Variants in FGGY observed in about 807,000 individuals in gnomAD.
The protein encoded by FGGY is FGGY carbohydrate kinase domain-containing protein.
A neutral mutation model predicts 71.3 loss-of-function variants in FGGY; 72 were observed. The observed-to-expected ratio is 1.01, with a 90% CI of 0.84 to 1.23. FGGY has a LOEUF of 1.23. Ranked by LOEUF, FGGY falls within the 50% of genes most tolerant of loss-of-function variation. FGGY has a pLI of 0.00. For missense variants in FGGY, 668 were observed against 682.3 expected, an observed-to-expected ratio of 0.98 and a Z score of 0.23; for synonymous variants, 251 against 250.3, an observed-to-expected ratio of 1.00 and a Z score of -0.02.
intron 14 of FGGY, among the ~76,000 whole-genome samples, chr1:59,734,093 C>T (rs1044518269): frequency 2.6e-5 from 4 of 152,232 alleles, no homozygotes; most frequent in Non-Finnish European, 5.9e-5. Context: ...TCCCTTCACT[C>T]TTATCTGCTC....
chr1:59,581,063 A>G (rs1266802023), intron 8 of FGGY, among the ~76,000 whole-genome samples: 2 of 136,888 alleles, frequency 1.5e-5, no homozygotes, highest in Non-Finnish European at 3.0e-5. Context: ...ACATGAAGTC[A>G]TTTTCTTTCT....
At position 59,732,671 on chromosome 1, in the gene FGGY, G is replaced by A. The variant is rs745970505; in HGVS notation, c.1513-25260G>A. 2.4e-4 allele frequency among the ~76,000 whole-genome samples: 37 copies of A among 152,110 alleles called. 1 individual carries two copies. The highest frequency in any genetic ancestry group is 4.9e-4 in the Non-Finnish European group (33 of 68,024). On this transcript the variant is annotated intron_variant, in intron 14 of 15. Transcript: ENST00000303721. ...TAGAGGAAAGGGGGGCAAGAAAGGG[G>A]AAGGGAAGGAAGGTATTCAGGAGCT...
At chr1:59,468,173 G>T (rs944351226) in intron 6 of FGGY, among the ~76,000 whole-genome samples, 21 of 152,250 alleles carry the variant, frequency 1.4e-4, no homozygotes, top group Middle Eastern at 3.4e-3. Flanking sequence ...AAAGTGCTGG[G>T]ATTATAGGCA....
chr1:59,315,797 A>G (rs1247648931), intron 1 of FGGY: 1 of 152,254 alleles, frequency 6.6e-6, no homozygotes, highest in Non-Finnish European at 1.5e-5. Context: ...TTGGGGAACC[A>G]TGGAAGTGTT....
chr1:59,441,841 G>T (rs1014820036), intron 5 of FGGY, among the ~76,000 whole-genome samples: 1 of 152,190 alleles, frequency 6.6e-6, no homozygotes, highest in Admixed American at 6.5e-5. Flanking sequence ...GTCTTTAGGA[G>T]ATCAGTTATT....
intron 5 of FGGY, among the ~76,000 whole-genome samples, chr1:59,456,517 T>G (rs920342087): frequency 2.6e-5 from 4 of 151,480 alleles, no homozygotes; most frequent in Non-Finnish European, 5.9e-5. Flanking sequence ...GGCACGATCT[T>G]GGCTCACTGC....
chr1:59,343,855 T>C (rs896336157), intron 3 of FGGY, among the ~76,000 whole-genome samples: 3 of 152,202 alleles, frequency 2.0e-5, no homozygotes, highest in African/African-American at 7.2e-5. Context: ...GGTCTGTCTT[T>C]ACTATAGGCA....
At chr1:59,400,163 T>C (rs2061775435) in intron 5 of FGGY, among the ~76,000 whole-genome samples, 1 of 152,246 alleles carries the variant, frequency 6.6e-6, no homozygotes, top group Non-Finnish European at 1.5e-5. Context: ...TTTCAGCCTG[T>C]ATTTTCTGTC....
intron 5 of FGGY, among the ~76,000 whole-genome samples, chr1:59,452,741 C>T (rs2091309829): frequency 6.6e-6 from 1 of 152,228 alleles, no homozygotes; most frequent in Admixed American, 6.5e-5. Flanking sequence ...AACCGGCCAA[C>T]AGCAAGTGGC....
chr1:59,493,208 G>T (rs2093931945), intron 6 of FGGY, among the ~76,000 whole-genome samples: 5 of 151,940 alleles, frequency 3.3e-5, no homozygotes, highest in Admixed American at 1.3e-4. Flanking sequence ...GTAAAATGGT[G>T]TGGCTGCTGT....
intron 11 of FGGY, among the ~76,000 whole-genome samples, chr1:59,657,628 G>A (rs1433715425): frequency 6.6e-6 from 1 of 152,210 alleles, no homozygotes; most frequent in Non-Finnish European, 1.5e-5. Flanking sequence ...CCAGCATGGT[G>A]CAGGCAGCTC....
chr1:59,686,499 G>A (rs1573189009), intron 14 of FGGY, among the ~76,000 whole-genome samples: 1 of 152,160 alleles, frequency 6.6e-6, no homozygotes, highest in East Asian at 1.9e-4. Context: ...ACCACATTAA[G>A]TGATGTATTT....
At chr1:59,331,412 C>T (rs1218557632) in intron 2 of FGGY, among the ~76,000 whole-genome samples, 1 of 152,150 alleles carries the variant, frequency 6.6e-6, no homozygotes, top group Non-Finnish European at 1.5e-5. Flanking sequence ...AATGCACGCC[C>T]CAACACAAGC....
chr1:59,599,594 T>A (rs979007488), intron 8 of FGGY, among the ~76,000 whole-genome samples: 17 of 145,832 alleles, frequency 1.2e-4, no homozygotes, highest in Non-Finnish European at 2.1e-4. Context: ...CTTGGGAGGC[T>A]GAGGCAGGAG....
intron 6 of FGGY, among the ~76,000 whole-genome samples, chr1:59,458,263 G>A (rs1318315073): frequency 1.3e-5 from 2 of 152,144 alleles, no homozygotes; most frequent in African/African-American, 2.4e-5. Flanking sequence ...ACCTGTATAT[G>A]TGTCTTGATT....
intron 6 of FGGY, 91 bp from the exon 7 acceptor site, chr1:59,512,220 A>T: frequency 7.4e-7 from 1 of 1,346,900 alleles, no homozygotes; most frequent in Non-Finnish European, 1.0e-6. Context: ...AGGAGGGAGG[A>T]GAGAGCAAAG....
chr1:59,471,275 C>G (rs892629533), intron 6 of FGGY, among the ~76,000 whole-genome samples: 1 of 152,168 alleles, frequency 6.6e-6, no homozygotes, highest in Non-Finnish European at 1.5e-5. Context: ...CTTCCTTCCC[C>G]CTCTCCTTCC....
At chr1:59,543,124 C>T (rs540232537) in intron 7 of FGGY, among the ~76,000 whole-genome samples, 6 of 152,360 alleles carry the variant, frequency 3.9e-5, no homozygotes, top group Admixed American at 3.9e-4. Context: ...TCATCTTCTA[C>T]ACTATTTATC....
At chr1:59,579,281 G>C (rs1203518002) in intron 8 of FGGY, among the ~76,000 whole-genome samples, 3 of 152,040 alleles carry the variant, frequency 2.0e-5, no homozygotes, top group Non-Finnish European at 2.9e-5. Flanking sequence ...CTCTGCCCAA[G>C]ACCTCTTCCC....
Sources: allele counts gnomAD v4.1 joint callset (sites outside exome capture counted in the v4.1 genomes callset), GRCh38; gene constraint gnomAD v4.1.1; transcripts MANE v1.5; gene names NCBI Gene and HGNC (gene_info 2026-07-23, HGNC 2026-07-21).